Variants in QPRT observed in about 807,000 individuals in gnomAD.
QPRT encodes the protein quinolinate phosphoribosyltransferase.
In QPRT, 17 loss-of-function variants were observed where a neutral mutation model predicts 19.8. The observed-to-expected ratio is 0.86, with a 90% CI of 0.59 to 1.29. QPRT has a LOEUF of 1.29. QPRT is among the 50% of genes most tolerant of loss of function. QPRT has a pLI of 0.00. For synonymous variants in QPRT, 178 were observed against 191.0 expected, an observed-to-expected ratio of 0.93 and a Z score of 0.56; for missense variants, 336 against 405.1, an observed-to-expected ratio of 0.83 and a Z score of 1.46.
chr16:29,695,730 A>AGGACC (rs1163022751), intron 2 of QPRT: 1 of 148,796 alleles, frequency 6.7e-6, no homozygotes, highest in African/African-American at 2.5e-5. Context: ...ACCTCAGGTG[A>AGGACC]TCCACCCACC....
At chr16:29,679,356 A>G in intron 1 of QPRT, 146 bp downstream of exon 1, 1 of 574,684 alleles carries the variant, frequency 1.7e-6, no homozygotes, top group Non-Finnish European at 3.1e-6. Flanking sequence ...TACCTACCCC[A>G]TGTCCCTGCA....
chr16:29,687,362 A>G (rs1361957272), intron 1 of QPRT, among the ~76,000 whole-genome samples: 1 of 152,156 alleles, frequency 6.6e-6, no homozygotes, highest in East Asian at 1.9e-4. Flanking sequence ...GGTTAGCTTC[A>G]TAGTATGTGA....
intron 1 of QPRT, among the ~76,000 whole-genome samples, chr16:29,689,794 C>T (rs1967272512): frequency 1.3e-5 from 2 of 152,114 alleles, no homozygotes; most frequent in Non-Finnish European, 2.9e-5. Context: ...CTCTGACCAC[C>T]GGTGCTCGCA....
chr16:29,686,849 G>A (rs1270530029), intron 1 of QPRT, among the ~76,000 whole-genome samples: 1 of 152,164 alleles, frequency 6.6e-6, no homozygotes, highest in African/African-American at 2.4e-5. Flanking sequence ...GCTTCCCAGA[G>A]TGCTGGGATT....
chr16:29,683,361 T>A (rs1189848564), intron 1 of QPRT, among the ~76,000 whole-genome samples: 1 of 151,520 alleles, frequency 6.6e-6, no homozygotes, highest in African/African-American at 2.4e-5. Flanking sequence ...TTGGTTCTTT[T>A]TTTTTTTTCC....
At chr16:29,684,755 G>A (rs1398545028) in intron 1 of QPRT, among the ~76,000 whole-genome samples, 3 of 152,166 alleles carry the variant, frequency 2.0e-5, no homozygotes, top group Admixed American at 1.3e-4. Context: ...AACCAAATCC[G>A]TTCTTTCTCT....
intron 1 of QPRT, among the ~76,000 whole-genome samples, chr16:29,692,222 G>C (rs1013886612): frequency 6.6e-6 from 1 of 151,916 alleles, no homozygotes; most frequent in Non-Finnish European, 1.5e-5. Flanking sequence ...CCTACCGCGC[G>C]AGGGGCCTTC....
intron 1 of QPRT, among the ~76,000 whole-genome samples, chr16:29,689,552 T>C (rs1294498941): frequency 6.6e-6 from 1 of 152,046 alleles, no homozygotes; most frequent in African/African-American, 2.4e-5. Context: ...AGAGACCCTC[T>C]CATATTGTTT....
Position 29,697,289 on chromosome 16 carries a change from C to A in QPRT, c.772C>A (p.Gln258Lys), listed in dbSNP as rs564810662. Residue 258 changes from glutamine to lysine, a missense_variant, in exon 4 of 4, where the codon CAG becomes AAG. Coordinates refer to ENST00000395384, the MANE Select transcript of QPRT (RefSeq NM_014298.6). This position sits in a 1 kb window ranked among gnomAD's most constrained non-coding sequence, Gnocchi z 4.4. ...GGGCATCACCCTGGACAACCTCCCCCAGTTCTGCGGGCCGCACATAGACGT... is the reference window on the plus strand; with the variant it reads ...GGGCATCACCCTGGACAACCTCCCCAAGTTCTGCGGGCCGCACATAGACGT... ...SGGITLDNLPQFCGPHIDVIS... is the reference protein window; with the variant it reads ...SGGITLDNLPKFCGPHIDVIS... The A allele has an allele frequency of 6.8e-6, 11 of 1,614,090 alleles. No individual in the cohort carries two copies. The East Asian group carries it at 1.6e-4, about 23-fold the overall frequency.
At chr16:29,691,936 C>T (rs1967351495) in intron 1 of QPRT, among the ~76,000 whole-genome samples, 1 of 152,170 alleles carries the variant, frequency 6.6e-6, no homozygotes, top group Admixed American at 6.5e-5. Flanking sequence ...AGAGAGGGCC[C>T]TCTTTGGAGA....
At chr16:29,695,231 C>T in intron 2 of QPRT, 32 bp downstream of exon 2, 1 of 1,498,654 alleles carries the variant, frequency 6.7e-7, no homozygotes, top group Middle Eastern at 2.3e-4. Flanking sequence ...GGTCCAACCC[C>T]ACCCTCAGCA....
At chr16:29,692,614 G>C (rs1207802594) in intron 1 of QPRT, among the ~76,000 whole-genome samples, 1 of 151,972 alleles carries the variant, frequency 6.6e-6, no homozygotes, top group Non-Finnish European at 1.5e-5. Context: ...ATATTTATGG[G>C]GTGCACATTG....
chr16:29,681,248 A>G (rs1019603621), intron 1 of QPRT, among the ~76,000 whole-genome samples: 2 of 152,136 alleles, frequency 1.3e-5, no homozygotes, highest in Admixed American at 6.6e-5. Flanking sequence ...CCGTTTCCAC[A>G]TCTGGACAAT....
chr16:29,696,753 C>G (rs1199814556), intron 2 of QPRT: 9 of 436,708 alleles, frequency 2.1e-5, no homozygotes, highest in African/African-American at 1.4e-4. Context: ...TGCACTCCAG[C>G]CTGGGCGACA....
chr16:29,695,793 C>CTTT lies in QPRT; in HGVS notation c.549+616_549+618dup, dbSNP rs35141323. On this transcript the variant is annotated intron_variant, in intron 2 of 3. Transcript: ENST00000395384. ...GGAGTGAGCCACTGCACCCAGCTGC[C>CTTT]TTTTTTTTTTTTTTTTTTTTTTTTG... 3.6e-3 allele frequency: 164 copies of CTTT among 45,730 alleles called. 2 individuals carry two copies. Among genetic ancestry groups the CTTT allele is most frequent in the Non-Finnish European group, 4.1e-3 (106 of 25,946 alleles). The allele number at this position is 45,730 out of a possible 1,614,324, so 2.8% of individuals were successfully genotyped here.
intron 1 of QPRT, among the ~76,000 whole-genome samples, chr16:29,692,787 G>A (rs1446656351): frequency 6.6e-6 from 1 of 152,184 alleles, no homozygotes; most frequent in Non-Finnish European, 1.5e-5. Flanking sequence ...GGTTAGGCCG[G>A]GCGCAGTGGC....
chr16:29,680,305 T>C (rs1966960987), intron 1 of QPRT, among the ~76,000 whole-genome samples: 4 of 152,172 alleles, frequency 2.6e-5, no homozygotes, highest in African/African-American at 9.6e-5. Context: ...GGAGTGGGTT[T>C]TACAAGGAGC....
At chr16:29,687,797 G>GT (rs1342770745) in intron 1 of QPRT, among the ~76,000 whole-genome samples, 33 of 147,546 alleles carry the variant, frequency 2.2e-4, no homozygotes, top group Admixed American at 3.5e-4. Context: ...AGAAAAAAAT[G>GT]TTTAAAAGCC....
chr16:29,694,112 G>A (rs1372404105), intron 1 of QPRT, among the ~76,000 whole-genome samples: 2 of 151,278 alleles, frequency 1.3e-5, no homozygotes, highest in Non-Finnish European at 2.9e-5. Context: ...CACCGCACCC[G>A]GTCAGAAGTT....
Sources: allele counts gnomAD v4.1 joint callset (sites outside exome capture counted in the v4.1 genomes callset), GRCh38; gene constraint gnomAD v4.1.1; non-coding constraint Gnocchi (gnomAD v3.1); transcripts MANE v1.5; gene names NCBI Gene and HGNC (gene_info 2026-07-23, HGNC 2026-07-21).